NBEA: variants seen among roughly 807,000 people sequenced by gnomAD.
The protein encoded by NBEA is neurobeachin.
NBEA carries 44 observed loss-of-function variants against 343.4 expected under a neutral mutation model. The observed-to-expected ratio is 0.13, with a 90% CI of 0.10 to 0.16. The LOEUF (loss-of-function observed/expected upper bound fraction) is 0.16. Ranked by LOEUF, NBEA falls within the 10% of genes least tolerant of loss-of-function variation. NBEA has a pLI of 1.00. For synonymous variants in NBEA, 1,175 were observed against 1,238.7 expected (o/e 0.95, Z 1.08); for missense variants, 2,555 against 3,631.3 (o/e 0.70, Z 7.62).
intron 1 of NBEA, among the ~76,000 whole-genome samples, chr13:34,966,745 A>G (rs1042559035): frequency 1.6e-4 from 25 of 151,590 alleles, no homozygotes; most frequent in Admixed American, 9.9e-4. Context: ...TGGAAACTGT[A>G]TATATGAGAG....
intron 1 of NBEA, among the ~76,000 whole-genome samples, chr13:35,024,308 C>T (rs763938119): frequency 3.0e-4 from 46 of 152,038 alleles, no homozygotes; most frequent in African/African-American, 4.6e-4. Flanking sequence ...CATACAAGTG[C>T]GTGTTGCTTT....
In NBEA at chr13:35,292,951, T is replaced by G. The variant is rs187639973; in HGVS notation, c.5838+2501T>G. ...AGGGAAAAGAAAATGCAATATTGTG[T>G]TTTTTATAGGATTTTGTTTTTCTTT... On this transcript the variant is annotated intron_variant, in intron 35 of 58. Transcript: ENST00000379939. 1.4e-4 allele frequency among the ~76,000 whole-genome samples: 21 copies of G among 152,058 alleles called. No individual in the cohort carries two copies. In the East Asian group the frequency reaches 3.9e-3, roughly 28 times the overall value.
chr13:34,985,021 A>G (rs564297605), intron 1 of NBEA, among the ~76,000 whole-genome samples: 34 of 151,094 alleles, frequency 2.3e-4, no homozygotes, highest in African/African-American at 8.0e-4. Flanking sequence ...CTAATTGAAT[A>G]TGCTTTATTT....
intron 6 of NBEA, among the ~76,000 whole-genome samples, chr13:35,051,463 G>C (rs2063063537): frequency 6.6e-6 from 1 of 151,698 alleles, no homozygotes; most frequent in Non-Finnish European, 1.5e-5. Context: ...TCCAAAATTT[G>C]TTTAGATTTT....
In NBEA at chr13:35,040,886, G is replaced by C. The variant is rs367789785; in HGVS notation, c.295-47G>C. 14 of 1,485,466 alleles carry C rather than the reference G, an allele frequency of 9.4e-6. No individual in the cohort carries two copies. In the African/African-American group the frequency reaches 1.5e-4, roughly 16 times the overall value. The allele number at this position is 1,485,466 out of a possible 1,614,324, so 92.0% of individuals were successfully genotyped here. On this transcript the variant is annotated intron_variant, in intron 1 of 58. Coordinates refer to ENST00000379939, the MANE Select transcript of NBEA (RefSeq NM_001385012.1). ...GTTATTATTTCATTCTACTGTCATC[G>C]ATAACCTCCCATGTTAACACTATTG...
chr13:35,513,504 A>G (rs1016087979), intron 41 of NBEA, among the ~76,000 whole-genome samples: 1 of 151,696 alleles, frequency 6.6e-6, no homozygotes, highest in African/African-American at 2.4e-5. Context: ...TGTGCCCCAA[A>G]CACAGGAAGT....
intron 23 of NBEA, among the ~76,000 whole-genome samples, chr13:35,163,706 A>G (rs2069759225): frequency 6.6e-6 from 1 of 151,998 alleles, no homozygotes; most frequent in Non-Finnish European, 1.5e-5. Context: ...TTGTATGAGA[A>G]CACTGTACTA....
intron 38 of NBEA, among the ~76,000 whole-genome samples, chr13:35,365,014 C>CT (rs1270637905): frequency 2.0e-5 from 3 of 151,668 alleles, no homozygotes; most frequent in African/African-American, 7.3e-5. Context: ...TTTAAAAGCA[C>CT]TTAGTGATGT....
At chr13:35,423,073 A>C (rs1443157791) in intron 38 of NBEA, among the ~76,000 whole-genome samples, 2 of 152,122 alleles carry the variant, frequency 1.3e-5, no homozygotes, top group Admixed American at 6.6e-5. Flanking sequence ...AGTAGGTTGC[A>C]AAAATTTTCT....
rs566794642 is a variant in NBEA at position 35,371,208 on chromosome 13, G to C, written c.6179+18885G>C. Among the ~76,000 whole-genome samples, 4 of 152,056 alleles carry C rather than the reference G, an allele frequency of 2.6e-5. No individual in the cohort carries two copies. The South Asian group carries it at 8.3e-4, about 32-fold the overall frequency. On this transcript the variant is annotated intron_variant, in intron 38 of 58. Coordinates refer to ENST00000379939, the MANE Select transcript of NBEA (RefSeq NM_001385012.1). Reference sequence around the variant, plus strand: ...TATTATTTTCTTAAATAGGTTTTCTGTCTCTTTTGTTTTCCTGTCATCTTC... The same window carrying C: ...TATTATTTTCTTAAATAGGTTTTCTCTCTCTTTTGTTTTCCTGTCATCTTC...
At chr13:35,217,728 A>G (rs2074142596) in intron 33 of NBEA, among the ~76,000 whole-genome samples, 1 of 152,078 alleles carries the variant, frequency 6.6e-6, no homozygotes, top group Non-Finnish European at 1.5e-5. Context: ...TAGACTTGCT[A>G]GAATTTCTCC....
chr13:35,135,596 A>T (rs939081797), intron 17 of NBEA, among the ~76,000 whole-genome samples: 2 of 152,048 alleles, frequency 1.3e-5, no homozygotes, highest in African/African-American at 4.8e-5. Flanking sequence ...AGGTTAAAAA[A>T]ACTCTTCAAA....
intron 29 of NBEA, among the ~76,000 whole-genome samples, chr13:35,183,083 T>C (rs935971639): frequency 2.6e-5 from 4 of 151,988 alleles, no homozygotes; most frequent in African/African-American, 7.2e-5. Context: ...TGGACAACAA[T>C]GAACCACCTT....
intron 34 of NBEA, among the ~76,000 whole-genome samples, chr13:35,260,735 G>A (rs1301876036): frequency 6.6e-6 from 1 of 152,174 alleles, no homozygotes; most frequent in African/African-American, 2.4e-5. Flanking sequence ...ATATGACCGT[G>A]GACCTTTAGA....
At chr13:35,078,547 A>G (rs530564354) in intron 10 of NBEA, among the ~76,000 whole-genome samples, 1 of 152,308 alleles carries the variant, frequency 6.6e-6, no homozygotes, top group East Asian at 1.9e-4. Context: ...AAGAATGACC[A>G]ACCAAGCCCA....
In NBEA at chr13:35,667,500, G is replaced by A. The variant is rs763975608; in HGVS notation, c.8591G>A (p.Arg2864Gln). The A allele has an allele frequency of 7.4e-6, 12 of 1,613,880 alleles. No homozygotes were observed. The highest frequency in any genetic ancestry group is 6.7e-5 in the East Asian group (3 of 44,898). The part of the protein sequence containing the change: ...SEGHCIIYYE[R>Q]GRFSNFSING... ...GGCCACTGTATCATATACTATGAAC[G>A]AGGGCGATTCAGTAATTTCAGCATT... Residue 2864 changes from arginine to glutamine, a missense_variant, in exon 57 of 59, where the codon CGA becomes CAA. Physicochemically the swap from Arg to Gln is conservative, Grantham distance 43 (BLOSUM62 1). This residue lies in a region of NBEA where 186 missense variants were observed against 328.9 expected (regional missense o/e 0.57). Coordinates refer to ENST00000379939, the MANE Select transcript of NBEA (RefSeq NM_001385012.1).
chr13:35,073,250 AT>A (rs776644506), intron 10 of NBEA, among the ~76,000 whole-genome samples: 1 of 152,172 alleles, frequency 6.6e-6, no homozygotes, highest in Non-Finnish European at 1.5e-5. Context: ...CATATCGATG[AT>A]TGGGACCTTG....
intron 7 of NBEA, among the ~76,000 whole-genome samples, 164 bp from the exon 8 acceptor site, chr13:35,058,553 A>C (rs1314409436): frequency 1.3e-5 from 2 of 152,086 alleles, no homozygotes; most frequent in Non-Finnish European, 2.9e-5. Flanking sequence ...TTCCCAAAAA[A>C]CTTGACTGGC....
chr13:35,309,657 T>G (rs773966812), intron 36 of NBEA, 65 bp downstream of exon 36: 18 of 855,316 alleles, frequency 2.1e-5, no homozygotes, highest in Non-Finnish European at 3.0e-5. Flanking sequence ...GCAATTGCTC[T>G]TTCCTACCAT....
Sources: allele counts gnomAD v4.1 joint callset (sites outside exome capture counted in the v4.1 genomes callset), GRCh38; gene constraint gnomAD v4.1.1; regional missense constraint gnomAD v4.1.1; transcripts MANE v1.5; gene names NCBI Gene and HGNC (gene_info 2026-07-23, HGNC 2026-07-21).